AGMO: variants seen among roughly 807,000 people sequenced by gnomAD.
AGMO encodes alkylglycerol monooxygenase.
Under a neutral mutation model 60.2 loss-of-function variants are expected in AGMO, and 75 were observed. The ratio of observed to expected loss-of-function variants is 1.25; its 90% CI spans 1.03 to 1.51. The LOEUF is 1.51. AGMO is among the 40% of genes most tolerant of loss of function. The pLI, the probability that AGMO is intolerant of heterozygous loss-of-function variation, is 0.00. For synonymous variants in AGMO, 261 were observed against 177.1 expected (o/e 1.47, Z -3.76); for missense variants, 763 against 525.5 (o/e 1.45, Z -4.42).
chr7:15,485,167 C>A (rs12533944), intron 3 of AGMO, among the ~76,000 whole-genome samples: 831 of 129,578 alleles, frequency 6.4e-3, no homozygotes, highest in East Asian at 0.018. Flanking sequence ...AAAAGAAAAA[C>A]ATTAGCAGGG....
At chr7:15,457,008 C>T (rs1378102688) in intron 3 of AGMO, among the ~76,000 whole-genome samples, 2 of 152,030 alleles carry the variant, frequency 1.3e-5, no homozygotes, top group African/African-American at 2.4e-5. Context: ...TTATTGGAAG[C>T]CAGTATCCAT....
the AGMO span, among the ~76,000 whole-genome samples, chr7:15,178,000 T>C: frequency 6.6e-6 from 1 of 152,112 alleles, no homozygotes; most frequent in Non-Finnish European, 1.5e-5. Flanking sequence ...ATTCCCAATG[T>C]CTTAATTATA....
At chr7:15,383,517 A>G (rs1223497020) in intron 10 of AGMO, among the ~76,000 whole-genome samples, 1 of 152,152 alleles carries the variant, frequency 6.6e-6, no homozygotes, top group Non-Finnish European at 1.5e-5. Context: ...TAACTATATA[A>G]ATCATACAGA....
chr7:15,188,490 A>C, the AGMO span, among the ~76,000 whole-genome samples: 6 of 152,216 alleles, frequency 3.9e-5, no homozygotes, highest in African/African-American at 1.4e-4. Flanking sequence ...ACTGTCAATA[A>C]GGACATGAGT....
At chr7:15,259,380 G>T (rs1182098366) in intron 12 of AGMO, among the ~76,000 whole-genome samples, 1 of 151,956 alleles carries the variant, frequency 6.6e-6, no homozygotes, top group South Asian at 2.1e-4. Context: ...ATTGACAAAT[G>T]AACAAAACCT....
intron 12 of AGMO, among the ~76,000 whole-genome samples, chr7:15,289,324 A>T (rs894711394): frequency 7.9e-5 from 12 of 151,976 alleles, no homozygotes; most frequent in African/African-American, 2.7e-4. Context: ...TTTATTATCA[A>T]ATTTATGAAT....
chr7:15,174,649 T>C, the AGMO span, among the ~76,000 whole-genome samples: 8 of 152,034 alleles, frequency 5.3e-5, no homozygotes, highest in Non-Finnish European at 1.0e-4. Context: ...CAAAATACCC[T>C]GTGTAGACCA....
intron 11 of AGMO, 63 bp from the exon 12 acceptor site, chr7:15,365,682 A>T: frequency 3.7e-6 from 4 of 1,084,608 alleles, no homozygotes. Flanking sequence ...TTCACATGTT[A>T]TAATTAATAT....
chr7:15,531,686 T>C (rs959441741), intron 3 of AGMO, among the ~76,000 whole-genome samples: 4 of 144,280 alleles, frequency 2.8e-5, no homozygotes, highest in African/African-American at 5.2e-5. Flanking sequence ...AGTCTCACTC[T>C]ATTGCCCAGG....
At chr7:15,414,600 G>T (rs1780705082) in intron 5 of AGMO, among the ~76,000 whole-genome samples, 1 of 151,598 alleles carries the variant, frequency 6.6e-6, no homozygotes, top group South Asian at 2.1e-4. Flanking sequence ...CTAGCTCCTT[G>T]CCAGAGCAAT....
At chr7:15,289,363 G>C (rs999262091) in intron 12 of AGMO, among the ~76,000 whole-genome samples, 2 of 151,520 alleles carry the variant, frequency 1.3e-5, no homozygotes, top group African/African-American at 2.4e-5. Flanking sequence ...ATAAGATTCC[G>C]AGTTTGTTTT....
At chr7:15,131,400 G>A in the AGMO span, among the ~76,000 whole-genome samples, 2 of 152,008 alleles carry the variant, frequency 1.3e-5, no homozygotes, top group East Asian at 3.9e-4. Flanking sequence ...AAACCTCAGT[G>A]CTTTTTCTCC....
chr7:15,219,486 A>G (rs1028862270), intron 12 of AGMO, among the ~76,000 whole-genome samples: 1 of 151,348 alleles, frequency 6.6e-6, no homozygotes, highest in Admixed American at 6.6e-5. Flanking sequence ...GGAAGGAAAA[A>G]AAGACAATTT....
intron 2 of AGMO, among the ~76,000 whole-genome samples, chr7:15,556,399 T>C (rs970263213): frequency 6.6e-6 from 1 of 151,976 alleles, no homozygotes; most frequent in African/African-American, 2.4e-5. Flanking sequence ...CCAACTTTAT[T>C]TGAAAATTTA....
In AGMO at chr7:15,346,472, T is replaced by G. The variant is rs190463071; in HGVS notation, c.1263+19042A>C. Among the ~76,000 whole-genome samples the G allele has an allele frequency of 6.9e-4, 105 of 152,192 alleles. No individual in the cohort carries two copies. The Middle Eastern group carries it at 0.01, about 15-fold the overall frequency. ...GATTTAATTGTAAAACAGGCCATTA[T>G]TTAATCTTTTTTCATTAGGATGTTT... On this transcript the variant is annotated intron_variant, in intron 12 of 12. Transcript: ENST00000342526.
intron 5 of AGMO, among the ~76,000 whole-genome samples, chr7:15,403,572 A>C (rs1562489958): frequency 1.3e-5 from 2 of 152,020 alleles, no homozygotes; most frequent in Non-Finnish European, 1.5e-5. Context: ...TATACTATCA[A>C]TAAAATCTAC....
At chr7:15,529,556 A>C (rs369724680) in intron 3 of AGMO, among the ~76,000 whole-genome samples, 3 of 55,074 alleles carry the variant, frequency 5.4e-5, no homozygotes, top group Non-Finnish European at 1.2e-4. Flanking sequence ...ATATATATAG[A>C]ATATATATTC....
intron 12 of AGMO, among the ~76,000 whole-genome samples, chr7:15,263,650 C>A (rs1418435475): frequency 6.6e-6 from 1 of 151,928 alleles, no homozygotes; most frequent in Non-Finnish European, 1.5e-5. Context: ...TTTGCAACTG[C>A]AAAAATATGG....
chr7:15,348,095 T>C (rs1782098497), intron 12 of AGMO, among the ~76,000 whole-genome samples: 1 of 152,066 alleles, frequency 6.6e-6, no homozygotes, highest in Non-Finnish European at 1.5e-5. Flanking sequence ...TGCCCCTTTA[T>C]ATTAATGGTA....
Sources: gnomAD v4.1 joint callset for allele counts (sites outside exome capture counted in the v4.1 genomes callset) on GRCh38, gnomAD v4.1.1 for gene constraint, MANE v1.5 for transcripts, NCBI Gene and HGNC (gene_info 2026-07-23, HGNC 2026-07-21) for gene names.